Variants in TMEM233 observed in about 807,000 individuals in gnomAD.
TMEM233 encodes the protein transmembrane protein 233.
Under a neutral mutation model 11.2 loss-of-function variants are expected in TMEM233, and 6 were observed. The observed-to-expected ratio is 0.54, with a 90% CI of 0.29 to 1.06. The LOEUF is 1.06. Ranked by LOEUF, TMEM233 falls within the 50% of genes least tolerant of loss-of-function variation. The pLI is 0.08. For synonymous variants in TMEM233, 59 were observed against 55.8 expected, an observed-to-expected ratio of 1.06 and a Z score of -0.26; for missense variants, 127 against 144.7, an observed-to-expected ratio of 0.88 and a Z score of 0.63.
At chr12:119,630,583 C>G (rs989865547) in intron 2 of TMEM233, among the ~76,000 whole-genome samples, 8 of 152,204 alleles carry the variant, frequency 5.3e-5, no homozygotes, top group Non-Finnish European at 5.9e-5. Context: ...TTTACAACAA[C>G]AGGCATCTGT....
At chr12:119,618,272 G>A (rs1373472406) in intron 1 of TMEM233, among the ~76,000 whole-genome samples, 1 of 152,232 alleles carries the variant, frequency 6.6e-6, no homozygotes, top group Non-Finnish European at 1.5e-5. Flanking sequence ...GCAGAAATTT[G>A]CTGCAGGGGC....
chr12:119,600,862 G>A (rs1322940669), intron 1 of TMEM233, among the ~76,000 whole-genome samples: 1 of 152,104 alleles, frequency 6.6e-6, no homozygotes, highest in African/African-American at 2.4e-5. Context: ...GGGAATGGAT[G>A]GTGGTGATGG....
At chr12:119,621,961 T>C (rs1954652594) in intron 1 of TMEM233, among the ~76,000 whole-genome samples, 1 of 152,258 alleles carries the variant, frequency 6.6e-6, no homozygotes, top group African/African-American at 2.4e-5. Flanking sequence ...AGTATCTTTC[T>C]GAGTATATTA....
chr12:119,619,524 C>G (rs943428042), intron 1 of TMEM233, among the ~76,000 whole-genome samples: 1 of 151,702 alleles, frequency 6.6e-6, no homozygotes, highest in Non-Finnish European at 1.5e-5. Flanking sequence ...ACCTGTAGTC[C>G]CAGATACTTG....
At chr12:119,648,124 G>A in the TMEM233 span, among the ~76,000 whole-genome samples, 1 of 152,028 alleles carries the variant, frequency 6.6e-6, no homozygotes, top group East Asian at 1.9e-4. Context: ...CAGTTTCTCA[G>A]AGAGGATCAA....
chr12:119,633,360 T>C (rs1220228310), intron 2 of TMEM233, among the ~76,000 whole-genome samples: 2 of 152,026 alleles, frequency 1.3e-5, no homozygotes, highest in Non-Finnish European at 2.9e-5. Flanking sequence ...TGGAAGGATC[T>C]CTTGAGGCCA....
At chr12:119,618,071 G>A (rs1383655013) in intron 1 of TMEM233, among the ~76,000 whole-genome samples, 1 of 152,216 alleles carries the variant, frequency 6.6e-6, no homozygotes, top group Non-Finnish European at 1.5e-5. Flanking sequence ...CTGCATCCCA[G>A]CTGTTTCAGC....
intron 2 of TMEM233, among the ~76,000 whole-genome samples, chr12:119,637,163 C>G (rs1954981825): frequency 6.6e-6 from 1 of 152,170 alleles, no homozygotes; most frequent in Non-Finnish European, 1.5e-5. Flanking sequence ...TTTTGAGGAA[C>G]ATAAATAGTT....
intron 1 of TMEM233, among the ~76,000 whole-genome samples, chr12:119,602,249 G>A (rs1954183738): frequency 6.6e-6 from 1 of 152,160 alleles, no homozygotes. Flanking sequence ...GTAGGGAGAA[G>A]ATCATGTGTG....
At position 119,624,154 on chromosome 12, in the gene TMEM233, A is replaced by C. The variant is rs1035525439; in HGVS notation, c.187-5582A>C. On this transcript the variant is annotated intron_variant, in intron 1 of 2. Transcript: ENST00000426426. ...TGCTTGAGGTCAGGAGTTTGAAACC[A>C]GCCTGGGCAACATGGCAAAACCCCA... 3.3e-5 allele frequency among the ~76,000 whole-genome samples: 5 copies of C among 151,942 alleles called. No individual in the cohort carries two copies. In the East Asian group the frequency reaches 5.8e-4, roughly 18 times the overall value.
intron 1 of TMEM233, among the ~76,000 whole-genome samples, chr12:119,618,063 GCA>G (rs1954571407): frequency 6.6e-6 from 1 of 152,214 alleles, no homozygotes; most frequent in Non-Finnish European, 1.5e-5. Flanking sequence ...ATGGTGCCCT[GCA>G]TCCCAGCTGT....
At chr12:119,605,409 CTTTTTTTTTTTTTTTTTTTTTTTT>C (rs6144897) in intron 1 of TMEM233, among the ~76,000 whole-genome samples, 11 of 93,614 alleles carry the variant, frequency 1.2e-4, no homozygotes, top group African/African-American at 1.1e-4. Flanking sequence ...TATGCCTTTC[CTTTTTTTTTTTTTTTTTTTTTTTT>C]TTTTTTTTTT....
intron 1 of TMEM233, among the ~76,000 whole-genome samples, chr12:119,621,488 A>G (rs909143115): frequency 1.4e-5 from 2 of 141,550 alleles, no homozygotes; most frequent in African/African-American, 2.6e-5. Context: ...TGGCCTATTC[A>G]TATGCTTAGA....
At chr12:119,654,093 T>C in the TMEM233 span, among the ~76,000 whole-genome samples, 4 of 151,770 alleles carry the variant, frequency 2.6e-5, no homozygotes, top group Admixed American at 2.6e-4. Flanking sequence ...ATCACGTACA[T>C]GGAAACAAAG....
intron 1 of TMEM233, among the ~76,000 whole-genome samples, chr12:119,626,519 A>AGGGC: frequency 1.8e-5 from 1 of 57,118 alleles, no homozygotes; most frequent in South Asian, 5.3e-4. Context: ...GAGGAGGAGG[A>AGGGC]GAAGGGAGAA....
intron 1 of TMEM233, among the ~76,000 whole-genome samples, chr12:119,619,821 C>T (rs960677063): frequency 2.0e-5 from 3 of 151,946 alleles, no homozygotes; most frequent in Non-Finnish European, 2.9e-5. Context: ...CTTATTTTTA[C>T]TTTTTTGATG....
intron 1 of TMEM233, among the ~76,000 whole-genome samples, chr12:119,602,161 C>G (rs181523886): frequency 2.8e-3 from 433 of 152,282 alleles, no homozygotes; most frequent in Non-Finnish European, 4.4e-3. Context: ...TTCCATCTGA[C>G]CCGAGCTCCA....
chr12:119,606,283 A>G (rs1954277286), intron 1 of TMEM233, among the ~76,000 whole-genome samples: 1 of 148,424 alleles, frequency 6.7e-6, no homozygotes, highest in Non-Finnish European at 1.5e-5. Context: ...GATGGAGGGG[A>G]GTATAAGGAG....
At chr12:119,598,942 T>C (rs1954101369) in intron 1 of TMEM233, among the ~76,000 whole-genome samples, 2 of 152,208 alleles carry the variant, frequency 1.3e-5, no homozygotes, top group Admixed American at 6.5e-5. Flanking sequence ...GTGATGTAGA[T>C]GATGGAAGAC....
Sources: allele counts gnomAD v4.1 joint callset (sites outside exome capture counted in the v4.1 genomes callset), GRCh38; gene constraint gnomAD v4.1.1; transcripts MANE v1.5; gene names NCBI Gene and HGNC (gene_info 2026-07-23, HGNC 2026-07-21).